Variants in FOXP1 observed in about 807,000 individuals in gnomAD.
FOXP1 encodes the protein forkhead box protein P1.
Under a neutral mutation model 98.2 loss-of-function variants are expected in FOXP1, and 15 were observed. The observed-to-expected ratio is 0.15, with a 90% CI of 0.10 to 0.24. The LOEUF (loss-of-function observed/expected upper bound fraction) is 0.24, where lower values mean the gene tolerates loss of function less well. Ranked by LOEUF, FOXP1 falls within the 10% of genes least tolerant of loss-of-function variation. The pLI is 1.00. For missense variants in FOXP1, 633 were observed against 848.5 expected (o/e 0.75, Z 3.15); for synonymous variants, 371 against 314.5 (o/e 1.18, Z -1.90).
intron 7 of FOXP1, among the ~76,000 whole-genome samples, chr3:71,092,668 T>C (rs987938927): frequency 6.6e-6 from 1 of 152,074 alleles, no homozygotes; most frequent in Non-Finnish European, 1.5e-5. Context: ...AAAATAATTG[T>C]CAGTTTTCAA....
intron 12 of FOXP1, among the ~76,000 whole-genome samples, chr3:71,015,163 T>A (rs1202909058): frequency 1.3e-5 from 2 of 150,356 alleles, no homozygotes; most frequent in Admixed American, 6.6e-5. Context: ...AGATGACACC[T>A]CCAACAACAA....
At chr3:71,503,688 C>A (rs182885541) in intron 2 of FOXP1, among the ~76,000 whole-genome samples, 1 of 150,604 alleles carries the variant, frequency 6.6e-6, no homozygotes, top group East Asian at 2.0e-4. Flanking sequence ...GTTATTATTT[C>A]GTCAGGTATG....
intron 3 of FOXP1, among the ~76,000 whole-genome samples, chr3:71,429,587 G>C (rs755362855): frequency 6.6e-5 from 10 of 152,158 alleles, no homozygotes; most frequent in South Asian, 2.1e-4. Flanking sequence ...AAGCTTAGGA[G>C]CAAAACCTGA....
intron 5 of FOXP1, among the ~76,000 whole-genome samples, chr3:71,228,607 C>A (rs1483785302): frequency 1.3e-5 from 2 of 152,196 alleles, no homozygotes; most frequent in South Asian, 2.1e-4. Context: ...ACATTTCCAG[C>A]AATTCCCAAC....
At position 71,033,602 on chromosome 3, in the gene FOXP1, C is replaced by CA. The variant is rs35470748; in HGVS notation, c.869+7725dup. Among the ~76,000 whole-genome samples, 304 of 70,662 alleles carry CA rather than the reference C, an allele frequency of 4.3e-3. 1 individual carries two copies. The highest frequency in any genetic ancestry group is 0.014 in the East Asian group (27 of 1,986). The allele number at this position is 70,662 out of a possible 152,430, so 46.4% of individuals were successfully genotyped here. A position where few individuals can be genotyped will look rare whatever the true frequency, so the allele number is the denominator to read the frequency against. ...TTAATCACCCCACAAAGTGAACAGT[C>CA]AAAAAAAAAAAAAAAAAAAAAAAAA... On this transcript the variant is annotated intron_variant, in intron 11 of 20. Transcript: ENST00000649528.
chr3:70,968,650 C>CAA (rs1480722808), intron 19 of FOXP1: 1 of 152,150 alleles, frequency 6.6e-6, no homozygotes, highest in Non-Finnish European at 1.5e-5. Context: ...CAATCTGTCC[C>CAA]AAGTCCCATG....
intron 14 of FOXP1, among the ~76,000 whole-genome samples, chr3:70,978,294 G>C (rs1483286129): frequency 1.3e-5 from 2 of 152,198 alleles, no homozygotes; most frequent in African/African-American, 4.8e-5. Context: ...CTACCTGAGG[G>C]AGTGTGAGAA....
intron 7 of FOXP1, among the ~76,000 whole-genome samples, chr3:71,079,349 T>G (rs1462613468): frequency 6.6e-6 from 1 of 152,210 alleles, no homozygotes; most frequent in Non-Finnish European, 1.5e-5. Context: ...CTCTTCACTC[T>G]ACACTAGTAC....
At chr3:71,185,812 CCATT>C (rs2062612067) in intron 6 of FOXP1, among the ~76,000 whole-genome samples, 1 of 152,172 alleles carries the variant, frequency 6.6e-6, no homozygotes, top group Non-Finnish European at 1.5e-5. Flanking sequence ...TACTTACCAT[CCATT>C]ATCTCCTGAT....
intron 5 of FOXP1, chr3:71,296,080 T>G (rs1047518608): frequency 6.6e-6 from 1 of 152,248 alleles, no homozygotes; most frequent in Non-Finnish European, 1.5e-5. Flanking sequence ...TTATGACTCT[T>G]CAGACCATAG....
chr3:71,248,445 TAAA>T (rs972987031), intron 5 of FOXP1, among the ~76,000 whole-genome samples: 7 of 152,006 alleles, frequency 4.6e-5, no homozygotes, highest in Non-Finnish European at 7.4e-5. Flanking sequence ...ACTGGAGGTC[TAAA>T]AAAATCCAGC....
At chr3:71,021,590 G>A (rs555172352) in intron 11 of FOXP1, among the ~76,000 whole-genome samples, 26 of 152,224 alleles carry the variant, frequency 1.7e-4, no homozygotes, top group Admixed American at 6.5e-4. Flanking sequence ...GTAACTCTAC[G>A]GTTGACATTT....
At chr3:71,369,813 A>AC (rs2079173207) in intron 3 of FOXP1, among the ~76,000 whole-genome samples, 1 of 152,198 alleles carries the variant, frequency 6.6e-6, no homozygotes, top group African/African-American at 2.4e-5. Context: ...AGAAACAGCT[A>AC]CTTTCTCAGT....
chr3:71,347,113 C>T (rs1385868657), intron 4 of FOXP1, among the ~76,000 whole-genome samples: 1 of 152,198 alleles, frequency 6.6e-6, no homozygotes, highest in African/African-American at 2.4e-5. Flanking sequence ...TCTCAAACTG[C>T]TCCTTTGAAA....
chr3:71,487,158 GA>G (rs372917816), intron 3 of FOXP1, among the ~76,000 whole-genome samples: 480 of 144,700 alleles, frequency 3.3e-3, no homozygotes, highest in Middle Eastern at 0.011. Flanking sequence ...TACGCAAATT[GA>G]AAAAAAAAAC....
intron 3 of FOXP1, among the ~76,000 whole-genome samples, chr3:71,461,927 T>TA (rs2088166446): frequency 6.6e-6 from 1 of 152,068 alleles, no homozygotes; most frequent in African/African-American, 2.4e-5. Flanking sequence ...AAAGAGTGAT[T>TA]AACACTGAGA....
intron 7 of FOXP1, among the ~76,000 whole-genome samples, chr3:71,079,842 TTA>T (rs1313823099): frequency 6.6e-6 from 1 of 152,204 alleles, no homozygotes; most frequent in Non-Finnish European, 1.5e-5. Context: ...TACTTAATCT[TTA>T]TCATAATCCT....
chr3:71,164,201 ATTTT>A (rs1257794753), intron 6 of FOXP1, among the ~76,000 whole-genome samples: 1 of 151,904 alleles, frequency 6.6e-6, no homozygotes, highest in African/African-American at 2.4e-5. Context: ...ATTTATTTTT[ATTTT>A]TTATTTTTTT....
rs2107559400 is a variant in FOXP1, at chr3:71,300,178, T to C, written c.-72-298A>G. On this transcript the variant is annotated intron_variant, in intron 4 of 20. Transcript: ENST00000649528. ...CGATTTATTTTCATGGAGAATAATA[T>C]GTGACTCATAGGCCTCTGTTTTTGG... is the stretch of plus-strand genomic sequence containing the variant. Among the ~76,000 whole-genome samples the C allele has an allele frequency of 1.3e-5, 2 of 152,346 alleles. 1 individual carries two copies. Among genetic ancestry groups the C allele is most frequent in the Non-Finnish European group, 2.9e-5 (2 of 68,028 alleles).
Sources: gnomAD v4.1 joint callset for allele counts (sites outside exome capture counted in the v4.1 genomes callset) on GRCh38, gnomAD v4.1.1 for gene constraint, MANE v1.5 for transcripts, NCBI Gene and HGNC (gene_info 2026-07-23, HGNC 2026-07-21) for gene names.